Variants in ZC3H3 observed in about 807,000 individuals in gnomAD.
ZC3H3 encodes zinc finger CCCH-type containing 3.
ZC3H3 carries 36 observed loss-of-function variants against 77.3 expected under a neutral mutation model. That is an observed-to-expected ratio of 0.47 (90% CI 0.36 to 0.61). The LOEUF (loss-of-function observed/expected upper bound fraction) is 0.61. ZC3H3 is among the 20% of genes least tolerant of loss of function. ZC3H3 has a pLI of 0.00. For missense variants in ZC3H3, 1,331 were observed against 1,312.2 expected, an observed-to-expected ratio of 1.01 and a Z score of -0.22; for synonymous variants, 626 against 555.2, an observed-to-expected ratio of 1.13 and a Z score of -1.79.
chr8:143,465,922 T>C, intron 8 of ZC3H3, 74 bp from the exon 9 acceptor site: 1 of 1,530,086 alleles, frequency 6.5e-7, no homozygotes, highest in Non-Finnish European at 8.8e-7. Flanking sequence ...CTGGGGACCC[T>C]CCTACGGCCC....
chr8:143,514,568 G>A (rs549236281), intron 3 of ZC3H3, among the ~76,000 whole-genome samples: 44 of 152,344 alleles, frequency 2.9e-4, no homozygotes, highest in Middle Eastern at 3.4e-3. Flanking sequence ...GGTCATTCCC[G>A]ATCCTGTGGC....
At chr8:143,489,017 T>C (rs4873797) in intron 4 of ZC3H3, among the ~76,000 whole-genome samples, 23,436 of 152,258 alleles carry the variant, frequency 0.15, 2,116 homozygotes, top group Middle Eastern at 0.27. Flanking sequence ...ATGCCCCCTC[T>C]GTCCCCCAAG....
chr8:143,519,583 A>G (rs1223631683), intron 3 of ZC3H3, among the ~76,000 whole-genome samples: 1 of 152,170 alleles, frequency 6.6e-6, no homozygotes, highest in Non-Finnish European at 1.5e-5. Context: ...GGATCTGACC[A>G]GTGTTCACGT....
At chr8:143,536,181 C>A in intron 3 of ZC3H3, 76 bp downstream of exon 3, 1 of 1,487,146 alleles carries the variant, frequency 6.7e-7, no homozygotes, top group South Asian at 1.3e-5. Context: ...GGAAGGTGCC[C>A]ATGGCTCCTA....
In ZC3H3 at chr8:143,500,223, C is replaced by T. The variant is rs770214532; in HGVS notation, c.1715+7523G>A. ...TTCTGTTGTCTGCTTGCTTCCTGAC[C>T]GCTCCCCACAGAAGGACAGCACAGT... On this transcript the variant is annotated intron_variant, in intron 4 of 11. Coordinates refer to ENST00000262577, the MANE Select transcript of ZC3H3 (RefSeq NM_015117.3). Among the ~76,000 whole-genome samples, 227 of 152,212 alleles carry T rather than the reference C, an allele frequency of 1.5e-3. 1 individual carries two copies. Among genetic ancestry groups the T allele is most frequent in the Middle Eastern group, 3.2e-3 (1 of 316 alleles).
At chr8:143,442,124 C>A (rs1386241921) in intron 9 of ZC3H3, among the ~76,000 whole-genome samples, 2 of 152,096 alleles carry the variant, frequency 1.3e-5, no homozygotes, top group African/African-American at 4.8e-5. Context: ...TGCTCCTGTA[C>A]CTGGGGCTGG....
intron 4 of ZC3H3, among the ~76,000 whole-genome samples, chr8:143,483,078 T>G (rs766927111): frequency 3.9e-5 from 6 of 152,024 alleles, no homozygotes; most frequent in African/African-American, 1.4e-4. Context: ...TTTCAGGAAA[T>G]GGAGCACAAT....
intron 3 of ZC3H3, among the ~76,000 whole-genome samples, chr8:143,515,243 G>A (rs996516719): frequency 2.0e-5 from 3 of 152,238 alleles, no homozygotes; most frequent in South Asian, 2.1e-4. Context: ...TCTAGACACC[G>A]AGCAGGGCAG....
chr8:143,499,262 A>G (rs1821452991), intron 4 of ZC3H3, among the ~76,000 whole-genome samples: 1 of 152,130 alleles, frequency 6.6e-6, no homozygotes, highest in Non-Finnish European at 1.5e-5. Flanking sequence ...TTCTCTGGAC[A>G]GAGGGATGAG....
At chr8:143,473,474 G>T (rs1006586322) in intron 5 of ZC3H3, among the ~76,000 whole-genome samples, 2 of 152,214 alleles carry the variant, frequency 1.3e-5, no homozygotes, top group African/African-American at 4.8e-5. Context: ...GCATCCATGG[G>T]AGATGCAGGG....
intron 4 of ZC3H3, chr8:143,484,756 C>T: frequency 2.9e-6 from 1 of 344,846 alleles, no homozygotes; most frequent in Non-Finnish European, 5.7e-6. Flanking sequence ...GGCAGGCTGG[C>T]CAGGAATCCT....
chr8:143,484,047 G>A (rs111484477), intron 4 of ZC3H3, among the ~76,000 whole-genome samples: 15 of 145,106 alleles, frequency 1.0e-4, no homozygotes, highest in African/African-American at 2.3e-4. Flanking sequence ...GGCCAGGGGC[G>A]CCATGAGGGG....
chr8:143,538,349 C>A lies in ZC3H3; in HGVS notation c.1018G>T (p.Ala340Ser), dbSNP rs755390780. 1 of 1,613,026 alleles carries A rather than the reference C, an allele frequency of 6.2e-7. No homozygotes were observed. Among genetic ancestry groups the A allele is most frequent in the Non-Finnish European group, 8.5e-7 (1 of 1,180,032 alleles). The change falls in exon 2 of 12, where the codon GCC (alanine) becomes TCC (serine). Residue 340 changes from alanine (A) to serine (S), a missense_variant. Coordinates refer to ENST00000262577, the MANE Select transcript of ZC3H3 (RefSeq NM_015117.3). ...PRVAAENVCKASAGMANKVEK... is the reference protein window; with the variant it reads ...PRVAAENVCKSSAGMANKVEK... ...ACCTTGTTTGCCATGCCAGCAGAGGCCTTGCACACATTCTCTGCAGCCACT... is the reference window on the plus strand; with the variant it reads ...ACCTTGTTTGCCATGCCAGCAGAGGACTTGCACACATTCTCTGCAGCCACT...
In ZC3H3 at chr8:143,470,614, G is replaced by A. The variant is rs540487032; in HGVS notation, c.1904-1955C>T. 3.3e-5 allele frequency among the ~76,000 whole-genome samples: 5 copies of A among 152,316 alleles called. No homozygotes were observed. The East Asian group carries it at 5.8e-4, about 18-fold the overall frequency. On this transcript the variant is annotated intron_variant, in intron 5 of 11. Transcript: ENST00000262577. ...TCGCCCAGGCTGCCAGTGACACTGC[G>A]ACGCCATCTGCTCCAGGCAGGGACA...
At chr8:143,456,862 A>G (rs1052152022) in intron 9 of ZC3H3, among the ~76,000 whole-genome samples, 3 of 152,140 alleles carry the variant, frequency 2.0e-5, no homozygotes, top group African/African-American at 7.2e-5. Context: ...AGCGAGACCC[A>G]GTCTCTAAAC....
chr8:143,489,387 A>G (rs2129960542), intron 4 of ZC3H3, among the ~76,000 whole-genome samples: 1 of 152,306 alleles, frequency 6.6e-6, no homozygotes, highest in African/African-American at 2.4e-5. Flanking sequence ...AGCCAATGGA[A>G]AGGAGGGAGC....
chr8:143,447,212 C>T (rs1351222783), intron 9 of ZC3H3, among the ~76,000 whole-genome samples: 1 of 152,198 alleles, frequency 6.6e-6, no homozygotes, highest in Non-Finnish European at 1.5e-5. Flanking sequence ...GGGGGTGAGG[C>T]CCTAACCCCA....
intron 4 of ZC3H3, among the ~76,000 whole-genome samples, chr8:143,503,207 G>C (rs1821578289): frequency 6.6e-6 from 1 of 152,190 alleles, no homozygotes; most frequent in African/African-American, 2.4e-5. Context: ...CGCGGCCTCT[G>C]ATGGGAGCAC....
Position 143,538,394 on chromosome 8 carries a change from G to A in ZC3H3, c.973C>T (p.Arg325Trp), listed in dbSNP as rs748175963. The A allele has an allele frequency of 1.4e-5, 22 of 1,613,214 alleles. No individual in the cohort carries two copies. The highest frequency in any genetic ancestry group is 6.7e-5 in the Admixed American group (4 of 60,030). The change falls in exon 2 of 12, where the codon CGG becomes TGG. Residue 325 changes from arginine (R) to tryptophan (W), a missense_variant. This residue lies in a region of ZC3H3 where 978 missense variants were observed against 915.5 expected (regional missense o/e 1.07). Coordinates refer to ENST00000262577, the MANE Select transcript of ZC3H3 (RefSeq NM_015117.3). Reference protein sequence around the residue: ...AASSKSPRVARRALSPRVAAE... With the variant: ...AASSKSPRVAWRALSPRVAAE... ...GCCACTCTGGGACTGAGGGCCCTCC[G>A]AGCAACCCGGGGACTCTTCGAGGAG...
Sources: allele counts gnomAD v4.1 joint callset (sites outside exome capture counted in the v4.1 genomes callset), GRCh38; gene constraint gnomAD v4.1.1; regional missense constraint gnomAD v4.1.1; transcripts MANE v1.5; gene names NCBI Gene and HGNC (gene_info 2026-07-23, HGNC 2026-07-21).